Variants in CCT6A observed in about 807,000 individuals in gnomAD.
The protein encoded by CCT6A is T-complex protein 1 subunit zeta.
CCT6A carries 6 observed loss-of-function variants against 58.6 expected under a neutral mutation model. The ratio of observed to expected loss-of-function variants is 0.10; its 90% CI spans 0.06 to 0.20. CCT6A has a LOEUF of 0.20. Among genes scored for constraint, CCT6A ranks in the 10% least tolerant of loss-of-function variants. The pLI is 1.00. For missense variants in CCT6A, 516 were observed against 648.8 expected, an observed-to-expected ratio of 0.80 and a Z score of 2.22; for synonymous variants, 245 against 227.8, an observed-to-expected ratio of 1.08 and a Z score of -0.68.
Position 56,051,971 on chromosome 7 carries a change from G to A in CCT6A, c.123G>A (p.Lys41=), listed in dbSNP as rs767545564. ...TGCTAAGGACCAACCTGGGGCCCAA[G>A]GGCACCATGAAGATGTAAGGCGGGG... ...QDVLRTNLGP[K]GTMKMLVSGA... The change falls in exon 1 of 14, where the codon AAG becomes AAA. Residue 41 remains lysine, a synonymous_variant. Transcript: ENST00000275603. 3 of 1,532,480 alleles carry A rather than the reference G, an allele frequency of 2.0e-6. No homozygotes were observed. The highest frequency in any genetic ancestry group is 8.8e-7 in the Non-Finnish European group (1 of 1,139,164). The allele number at this position is 1,532,480 out of a possible 1,614,324, so 94.9% of individuals were successfully genotyped here.
chr7:56,056,994 A>G (rs1485252791), intron 5 of CCT6A, among the ~76,000 whole-genome samples: 2 of 151,970 alleles, frequency 1.3e-5, no homozygotes, highest in Non-Finnish European at 2.9e-5. Context: ...ACGGGGTTTC[A>G]CCATGTTAAC....
chr7:56,051,788 G>C lies in CCT6A; in HGVS notation c.-61G>C. On this transcript the variant is annotated 5_prime_UTR_variant, in exon 1 of 14. Coordinates refer to ENST00000275603, the MANE Select transcript of CCT6A (RefSeq NM_001762.4). ...CCAGAAGACCCGGATAGTTCCTCCC[G>C]GCCACGCCGCGCCGGCTCTGGGCAC... is the stretch of plus-strand genomic sequence containing the variant. The C allele has an allele frequency of 5.9e-6, 9 of 1,532,614 alleles. No homozygotes were observed. The highest frequency in any genetic ancestry group is 7.9e-6 in the Non-Finnish European group (9 of 1,139,140). 94.9% of individuals were successfully genotyped at this position (1,532,614 alleles called of 1,614,324 possible).
intron 12 of CCT6A, 89 bp downstream of exon 12, chr7:56,061,938 A>G (rs943239761): frequency 1.8e-5 from 12 of 681,760 alleles, no homozygotes; most frequent in Admixed American, 1.4e-4. Flanking sequence ...TTGCTTTGCA[A>G]TTTGACACCA....
intron 13 of CCT6A, 43 bp downstream of exon 13, chr7:56,062,798 C>T (rs1262933621): frequency 1.3e-6 from 2 of 1,505,278 alleles, no homozygotes; most frequent in Non-Finnish European, 1.8e-6. Context: ...GAGAATCATA[C>T]TTTTTTCATT....
Position 56,058,493 on chromosome 7 carries a change from A to T in CCT6A, c.857A>T (p.Asp286Val), listed in dbSNP as rs200934536. 26 of 1,597,068 alleles carry T rather than the reference A, an allele frequency of 1.6e-5. No individual in the cohort carries two copies. In the East Asian group the frequency reaches 5.6e-4, roughly 34 times the overall value. The change falls in exon 7 of 14, where the codon GAT (aspartate) becomes GTT (valine). Residue 286 changes from aspartate (D) to valine (V), a missense_variant. By Grantham distance (152) the Asp-to-Val change is radical (BLOSUM62 -3). Coordinates refer to ENST00000275603, the MANE Select transcript of CCT6A (RefSeq NM_001762.4). The stretch of plus-strand genomic sequence containing the variant: ...AAAAGGAAAGTCTGTGGCGATTCAG[A>T]TAAAGGATTTGTTGTTATTAATCAA... ...ELKRKVCGDS[D>V]KGFVVINQKG...
At chr7:56,062,986 G>C (rs747742239) in intron 13 of CCT6A, 27 bp from the exon 14 acceptor site, 4 of 1,563,150 alleles carry the variant, frequency 2.6e-6, no homozygotes, top group Non-Finnish European at 3.5e-6. Flanking sequence ...AATCATCTGA[G>C]CCATCTTATT....
Position 56,062,671 on chromosome 7 carries a change from G to T in CCT6A, c.1451-12G>T. ...CTGACTGAACTTATTTTAAGATTTGGTTGCCTTTTAGGTGAGCCAATGGTG... is the reference window on the plus strand; with the variant it reads ...CTGACTGAACTTATTTTAAGATTTGTTTGCCTTTTAGGTGAGCCAATGGTG... On this transcript the variant is annotated splice_polypyrimidine_tract_variant and intron_variant, in intron 12 of 13. Transcript: ENST00000275603. 6.2e-7 allele frequency: 1 copy of T among 1,612,000 alleles called. No individual in the cohort carries two copies.
chr7:56,060,808 C>G lies in CCT6A; in HGVS notation c.1215C>G (p.Gly405=). Residue 405 remains glycine, a splice_region_variant and synonymous_variant, in exon 11 of 14, where the codon GGC becomes GGG. Transcript: ENST00000275603. ...TTTTCCTTTTCCCCCATCCAACAGG[C>G]TGTGTGGTTCCAGGTGCTGGTGCCG... ...LRAVKNAIDD[G]CVVPGAGAVE... 1 of 1,607,376 alleles carries G rather than the reference C, an allele frequency of 6.2e-7. No individual in the cohort carries two copies.
At chr7:56,062,167 A>G (rs1794459105) in intron 12 of CCT6A, 1 of 227,904 alleles carries the variant, frequency 4.4e-6, no homozygotes. Context: ...ATAAGAAAAT[A>G]GATGTGGTGA....
In CCT6A at chr7:56,051,911, G is replaced by A. The variant is rs1350087984; in HGVS notation, c.63G>A (p.Ala21=). 6.4e-7 allele frequency: 1 copy of A among 1,553,632 alleles called. No individual in the cohort carries two copies. The highest frequency in any genetic ancestry group is 1.2e-5 in the South Asian group (1 of 84,440). The change falls in exon 1 of 14, where the codon GCG becomes GCA. Residue 21 remains alanine, a synonymous_variant. Transcript: ENST00000275603. ...TGGCCCGAGCGCAGGCGGCGCTGGC[G>A]GTCAACATCAGCGCAGCGCGGGGTC... The part of the protein sequence containing the change: ...AEVARAQAAL[A]VNISAARGLQ...
intron 11 of CCT6A, 37 bp downstream of exon 11, chr7:56,060,977 TC>T: frequency 6.4e-7 from 1 of 1,565,608 alleles, no homozygotes; most frequent in Non-Finnish European, 8.6e-7. Flanking sequence ...TCCAAAAGAT[TC>T]AGCTGATCAA....
chr7:56,052,825 G>A (rs955460118), intron 2 of CCT6A, among the ~76,000 whole-genome samples: 1 of 145,748 alleles, frequency 6.9e-6, no homozygotes, highest in Admixed American at 7.1e-5. Flanking sequence ...ACGAAGTCTC[G>A]CTCTGTCGAC....
intron 11 of CCT6A, 83 bp downstream of exon 11, chr7:56,061,023 G>T (rs1167906266): frequency 2.1e-6 from 3 of 1,426,214 alleles, no homozygotes; most frequent in Admixed American, 5.0e-5. Context: ...TTCATAAAGT[G>T]GATTTTGGAT....
chr7:56,052,588 C>A, intron 2 of CCT6A, 103 bp downstream of exon 2: 1 of 993,236 alleles, frequency 1.0e-6, no homozygotes, highest in Non-Finnish European at 1.6e-6. Context: ...GGAGAACATT[C>A]AGAAGTGGCG....
intron 6 of CCT6A, 43 bp from the exon 7 acceptor site, chr7:56,058,319 T>G: frequency 1.4e-6 from 2 of 1,443,712 alleles, no homozygotes; most frequent in Non-Finnish European, 1.9e-6. Context: ...AGCTGCTTTC[T>G]TAATGTTTCC....
chr7:56,052,456 A>G lies in CCT6A; in HGVS notation c.172A>G (p.Lys58Glu). ...VSGAGDIKLTKDGNVLLHEMQ... is the reference protein window; with the variant it reads ...VSGAGDIKLTEDGNVLLHEMQ... ...TGGCGCTGGAGACATCAAACTTACT[A>G]AAGACGGCAATGTGCTGCTTCACGA... Residue 58 changes from lysine to glutamate, a missense_variant, in exon 2 of 14, where the codon AAA becomes GAA. Physicochemically the swap from Lys to Glu is moderately conservative, Grantham distance 56. This residue lies in a region of CCT6A where 116 missense variants were observed against 184.5 expected (regional missense o/e 0.63). Transcript: ENST00000275603. 1 of 1,614,040 alleles carries G rather than the reference A, an allele frequency of 6.2e-7. No individual in the cohort carries two copies.
chr7:56,060,304 C>T lies in CCT6A; in HGVS notation c.1101C>T (p.Asn367=). 6.2e-7 allele frequency: 1 copy of T among 1,613,700 alleles called. No homozygotes were observed. The highest frequency in any genetic ancestry group is 8.5e-7 in the Non-Finnish European group (1 of 1,179,658). Residue 367 remains asparagine (N), a synonymous_variant, in exon 10 of 14, where the codon AAC becomes AAT. Transcript: ENST00000275603. The part of the protein sequence containing the change: ...EEKFTFIEKC[N]NPRSVTLLIK... ...AGTTTACCTTTATTGAGAAATGTAA[C>T]AACCCTCGTTCTGTCACATTATTGA...
rs201463403 is a variant in CCT6A at position 56,060,645 on chromosome 7, T to C, written c.1214-162T>C. The stretch of plus-strand genomic sequence containing the variant: ...TCTGTTGAAAGCTGCCAGTGGCTAG[T>C]GAAGCCATTCTGGTTGAACCATTCT... On this transcript the variant is annotated intron_variant, in intron 10 of 13. Coordinates refer to ENST00000275603, the MANE Select transcript of CCT6A (RefSeq NM_001762.4). 4.8e-3 allele frequency: 4,946 copies of C among 1,028,572 alleles called. 119 individuals are homozygous for C. Among genetic ancestry groups the C allele is most frequent in the South Asian group, 0.036 (2,862 of 78,628 alleles). 63.7% of individuals were successfully genotyped at this position (1,028,572 alleles called of 1,614,324 possible).
At position 56,060,432 on chromosome 7, in the gene CCT6A, TATTTCA is replaced by T; in HGVS notation, c.1213+20_1213+25del. 1 of 1,612,824 alleles carries T rather than the reference TATTTCA, an allele frequency of 6.2e-7. No individual in the cohort carries two copies. Among genetic ancestry groups the T allele is most frequent in the Non-Finnish European group, 8.5e-7 (1 of 1,178,808 alleles). On this transcript the variant is annotated intron_variant, in intron 10 of 13. Coordinates refer to ENST00000275603, the MANE Select transcript of CCT6A (RefSeq NM_001762.4). ...ATTGATGATGGTAAGATCCTCACTG[TATTTCA>T]ATTCTTTTATATTGTTTTGCTGGTC... is the stretch of plus-strand genomic sequence containing the variant.
Sources: allele counts gnomAD v4.1 joint callset (sites outside exome capture counted in the v4.1 genomes callset), GRCh38; gene constraint gnomAD v4.1.1; regional missense constraint gnomAD v4.1.1; transcripts MANE v1.5; gene names NCBI Gene and HGNC (gene_info 2026-07-23, HGNC 2026-07-21).